GAB2: variants seen among roughly 807,000 people sequenced by gnomAD.
GAB2 encodes the protein GRB2-associated-binding protein 2.
A neutral mutation model predicts 65.5 loss-of-function variants in GAB2; 26 were observed. That is an observed-to-expected ratio of 0.40 (90% CI 0.29 to 0.55). The LOEUF (loss-of-function observed/expected upper bound fraction) is 0.55, where lower values mean the gene tolerates loss of function less well. GAB2 is among the 20% of genes least tolerant of loss of function. The pLI, the probability that GAB2 is intolerant of heterozygous loss-of-function variation, is 0.53. For synonymous variants in GAB2, 321 were observed against 329.6 expected (o/e 0.97, Z 0.28); for missense variants, 884 against 875.8 (o/e 1.01, Z -0.12).
intron 1 of GAB2, among the ~76,000 whole-genome samples, chr11:78,310,268 C>A (rs1242042182): frequency 6.7e-6 from 1 of 149,968 alleles, no homozygotes; most frequent in Non-Finnish European, 1.5e-5. Context: ...TTTGGGAGGC[C>A]AAGGCGGTTG....
intron 3 of GAB2, among the ~76,000 whole-genome samples, chr11:78,231,016 T>C (rs1254027689): frequency 6.6e-6 from 1 of 152,222 alleles, no homozygotes; most frequent in Non-Finnish European, 1.5e-5. Context: ...AGAAGCCTTA[T>C]AAAATAGGCA....
chr11:78,216,411 T>C lies in GAB2; in HGVS notation c.*2861A>G, dbSNP rs1021205421. On this transcript the variant is annotated 3_prime_UTR_variant, in exon 10 of 10. Transcript: ENST00000361507. ...CAAAGGACCAGTTTTTTCAACTGAG[T>C]TGACTCCTTTGTTGGAGGAGGTAGT... is the stretch of plus-strand genomic sequence containing the variant. The C allele has an allele frequency of 4.6e-5, 7 of 152,132 alleles. No individual in the cohort carries two copies. The highest frequency in any genetic ancestry group is 1.7e-4 in the African/African-American group (7 of 41,420). The allele number at this position is 152,132 out of a possible 1,614,324, so 9.4% of individuals were successfully genotyped here. A position where few individuals can be genotyped will look rare whatever the true frequency, so the allele number is the denominator to read the frequency against.
At chr11:78,274,246 C>G (rs1163550464) in intron 2 of GAB2, among the ~76,000 whole-genome samples, 2 of 151,846 alleles carry the variant, frequency 1.3e-5, no homozygotes, top group Non-Finnish European at 2.9e-5. Context: ...CACAGACAGA[C>G]AGAGAGACAA....
chr11:78,345,727 G>T (rs1856169446), intron 1 of GAB2, among the ~76,000 whole-genome samples: 1 of 152,172 alleles, frequency 6.6e-6, no homozygotes, highest in Non-Finnish European at 1.5e-5. Context: ...TAGGCAAAAA[G>T]GAGGCAGAGG....
At position 78,417,683 on chromosome 11, in the gene GAB2, A is replaced by C; in HGVS notation, c.38T>G (p.Leu13Arg). Residue 13 changes from leucine to arginine, a missense_variant, in exon 1 of 10, where the codon CTG becomes CGG. Coordinates refer to ENST00000361507, the MANE Select transcript of GAB2 (RefSeq NM_080491.3). ...GGGDVVCTGWLRKSPPEKKLR... is the reference protein window; with the variant it reads ...GGGDVVCTGWRRKSPPEKKLR... The stretch of plus-strand genomic sequence containing the variant: ...CTTCTTCTCGGGAGGCGATTTCCTC[A>C]GCCAGCCGGTGCACACCACGTCGCC... The C allele has an allele frequency of 7.2e-7, 1 of 1,388,996 alleles. No homozygotes were observed. Among genetic ancestry groups the C allele is most frequent in the Non-Finnish European group, 9.5e-7 (1 of 1,048,386 alleles). 86.0% of individuals were successfully genotyped at this position (1,388,996 alleles called of 1,614,324 possible).
chr11:78,219,203 G>T lies in GAB2; in HGVS notation c.*69C>A, dbSNP rs565178188. 3.5e-6 allele frequency: 5 copies of T among 1,426,522 alleles called. No individual in the cohort carries two copies. The highest frequency in any genetic ancestry group is 3.5e-5 in the Admixed American group (2 of 57,530). The allele number at this position is 1,426,522 out of a possible 1,614,324, so 88.4% of individuals were successfully genotyped here. A position where few individuals can be genotyped will look rare whatever the true frequency, so the allele number is the denominator to read the frequency against. On this transcript the variant is annotated 3_prime_UTR_variant, in exon 10 of 10. Transcript: ENST00000361507. ...GGTGGATGGGAGGAAGAACGGGAGA[G>T]GGGAGAGGGGAGATGGGAAGGGCCA...
intron 1 of GAB2, among the ~76,000 whole-genome samples, chr11:78,408,116 A>G (rs1289778001): frequency 6.6e-6 from 1 of 152,236 alleles, no homozygotes; most frequent in East Asian, 1.9e-4. Context: ...GAAAGCACAT[A>G]GTAAACAAAA....
intron 1 of GAB2, among the ~76,000 whole-genome samples, chr11:78,382,754 T>C (rs1273178755): frequency 1.3e-5 from 2 of 152,218 alleles, no homozygotes; most frequent in Admixed American, 1.3e-4. Flanking sequence ...CTGTCAAATG[T>C]TGTTCCTCCA....
intron 1 of GAB2, among the ~76,000 whole-genome samples, chr11:78,377,600 GA>G (rs1408413028): frequency 1.3e-5 from 2 of 152,172 alleles, no homozygotes; most frequent in Non-Finnish European, 2.9e-5. Flanking sequence ...GGTAGCAGCA[GA>G]AAAGCCTATT....
intron 1 of GAB2, among the ~76,000 whole-genome samples, chr11:78,282,501 G>GC (rs1420023847): frequency 3.9e-5 from 6 of 151,938 alleles, no homozygotes; most frequent in Non-Finnish European, 8.8e-5. Flanking sequence ...TAGAGACAGG[G>GC]CTTCACCATG....
chr11:78,255,596 G>A (rs1455864655), intron 2 of GAB2, among the ~76,000 whole-genome samples: 2 of 152,196 alleles, frequency 1.3e-5, no homozygotes, highest in Non-Finnish European at 2.9e-5. Context: ...CAATAGATGA[G>A]GTTCCGGGGA....
chr11:78,409,519 G>C (rs529207797), intron 1 of GAB2, among the ~76,000 whole-genome samples: 6 of 152,192 alleles, frequency 3.9e-5, no homozygotes, highest in Admixed American at 6.5e-5. Context: ...AGGAGGTGGA[G>C]GTTGCGGAGA....
At chr11:78,407,668 AG>A (rs1857067456) in intron 1 of GAB2, among the ~76,000 whole-genome samples, 1 of 143,136 alleles carries the variant, frequency 7.0e-6, no homozygotes, top group Non-Finnish European at 1.5e-5. Context: ...TAAGAAAGAA[AG>A]AAAGAAAGAA....
chr11:78,302,691 G>A (rs977099153), intron 1 of GAB2, among the ~76,000 whole-genome samples: 1 of 152,120 alleles, frequency 6.6e-6, no homozygotes, highest in South Asian at 2.1e-4. Context: ...CTACCCAAAG[G>A]AAAAGAAGCC....
At chr11:78,243,776 G>A (rs1302941411) in intron 3 of GAB2, among the ~76,000 whole-genome samples, 19 of 152,126 alleles carry the variant, frequency 1.2e-4, no homozygotes, top group Admixed American at 3.9e-4. Flanking sequence ...CCCGGGAGGC[G>A]GAGGTTGTAG....
intron 1 of GAB2, among the ~76,000 whole-genome samples, chr11:78,303,801 C>A (rs1007911664): frequency 6.6e-6 from 1 of 152,122 alleles, no homozygotes; most frequent in Non-Finnish European, 1.5e-5. Flanking sequence ...AAGAAGCCAT[C>A]CAGGCCTGGA....
chr11:78,263,944 T>A (rs1565132314), intron 2 of GAB2, among the ~76,000 whole-genome samples: 1 of 151,122 alleles, frequency 6.6e-6, no homozygotes, highest in East Asian at 2.0e-4. Flanking sequence ...GGGGGAGCAA[T>A]AAACATAACT....
rs550277543 is a variant in GAB2, at chr11:78,370,979, T to C, written c.75+46667A>G. 2.6e-5 allele frequency among the ~76,000 whole-genome samples: 4 copies of C among 152,292 alleles called. No individual in the cohort carries two copies. The South Asian group carries it at 8.3e-4, about 32-fold the overall frequency. On this transcript the variant is annotated intron_variant, in intron 1 of 9. Transcript: ENST00000361507. ...TCTGGCCAAATGGGGCTTAGGCACA[T>C]GAGTTGCTGTAGTTCTCTCCACAAT...
chr11:78,331,830 C>G (rs1855920022), intron 1 of GAB2, among the ~76,000 whole-genome samples: 1 of 152,160 alleles, frequency 6.6e-6, no homozygotes, highest in Non-Finnish European at 1.5e-5. Flanking sequence ...GCTGCCACCA[C>G]AGCCTGGTCA....
Sources: allele counts gnomAD v4.1 joint callset (sites outside exome capture counted in the v4.1 genomes callset), GRCh38; gene constraint gnomAD v4.1.1; transcripts MANE v1.5; gene names NCBI Gene and HGNC (gene_info 2026-07-23, HGNC 2026-07-21).